Variants in CYFIP1 observed in about 807,000 individuals in gnomAD.
CYFIP1 encodes the protein cytoplasmic FMR1 interacting protein 1.
In CYFIP1, 58 loss-of-function variants were observed where a neutral mutation model predicts 163.5. The ratio of observed to expected loss-of-function variants is 0.35; its 90% CI spans 0.29 to 0.44. The LOEUF (loss-of-function observed/expected upper bound fraction) is 0.44. Ranked by LOEUF, CYFIP1 falls within the 20% of genes least tolerant of loss-of-function variation. The pLI is 1.00. For missense variants in CYFIP1, 1,338 were observed against 1,653.8 expected (o/e 0.81, Z 3.31); for synonymous variants, 663 against 660.7 (o/e 1.00, Z -0.05).
chr15:22,978,154 C>T (rs1427258766), intron 1 of CYFIP1, among the ~76,000 whole-genome samples: 1 of 151,614 alleles, frequency 6.6e-6, no homozygotes, highest in Non-Finnish European at 1.5e-5. Flanking sequence ...GAGTTCAAGA[C>T]CAGCCTGGGC....
At chr15:22,945,803 G>A (rs1268251635) in intron 3 of CYFIP1, among the ~76,000 whole-genome samples, 2 of 151,044 alleles carry the variant, frequency 1.3e-5, no homozygotes, top group Admixed American at 6.6e-5. Flanking sequence ...GGCTGGTCTC[G>A]AACTCCTGAC....
At position 22,929,149 on chromosome 15, in the gene CYFIP1, G is replaced by C. The variant is rs182108413; in HGVS notation, c.1111-1121C>G. Among the ~76,000 whole-genome samples, 126 of 151,726 alleles carry C rather than the reference G, an allele frequency of 8.3e-4. 2 individuals carry two copies. Among genetic ancestry groups the C allele is most frequent in the Admixed American group, 8.1e-3 (124 of 15,228 alleles). ...GCAGGAGAATTGCTAGAACCCAGGA[G>C]GCGAAGATTGCAGTGAGCCAAGATC... is the stretch of plus-strand genomic sequence containing the variant. On this transcript the variant is annotated intron_variant, in intron 11 of 30. Coordinates refer to ENST00000617928, the MANE Select transcript of CYFIP1 (RefSeq NM_014608.6).
At chr15:22,896,343 T>A (rs770034118) in intron 22 of CYFIP1, among the ~76,000 whole-genome samples, 10 of 152,068 alleles carry the variant, frequency 6.6e-5, no homozygotes, top group Non-Finnish European at 1.2e-4. Context: ...TTGAGGTTTA[T>A]TGAGCTTCTT....
intron 1 of CYFIP1, among the ~76,000 whole-genome samples, chr15:22,960,451 C>G (rs900802718): frequency 5.9e-5 from 9 of 152,208 alleles, no homozygotes; most frequent in Admixed American, 5.9e-4. Context: ...CACAGAACAT[C>G]CCCAGTGACT....
intron 22 of CYFIP1, among the ~76,000 whole-genome samples, chr15:22,902,333 C>T (rs1002141443): frequency 6.6e-6 from 1 of 152,138 alleles, no homozygotes; most frequent in Non-Finnish European, 1.5e-5. Flanking sequence ...GGGAAGGAGG[C>T]GCCTGGCCAT....
chr15:22,944,987 T>A, intron 3 of CYFIP1, 48 bp from the exon 4 acceptor site: 1 of 1,538,992 alleles, frequency 6.5e-7, no homozygotes, highest in East Asian at 2.2e-5. Flanking sequence ...GGAACTAGCA[T>A]GAAAAGCAGA....
At chr15:22,913,471 T>C (rs1372081262) in intron 17 of CYFIP1, among the ~76,000 whole-genome samples, 5 of 120,498 alleles carry the variant, frequency 4.1e-5, no homozygotes, top group African/African-American at 1.3e-4. Flanking sequence ...TAGGTTGCAA[T>C]GAGCTGAGAT....
intron 5 of CYFIP1, 35 bp from the exon 6 acceptor site, chr15:22,943,389 G>C (rs762886007): frequency 6.2e-6 from 10 of 1,601,932 alleles, no homozygotes; most frequent in East Asian, 2.2e-5. Flanking sequence ...GAAAGCTGCA[G>C]GTCAGTGAGG....
At chr15:22,978,778 C>T (rs1166523079) in intron 1 of CYFIP1, among the ~76,000 whole-genome samples, 2 of 152,096 alleles carry the variant, frequency 1.3e-5, no homozygotes, top group African/African-American at 2.4e-5. Flanking sequence ...GAATCTCCAA[C>T]GCCTTATGCT....
intron 21 of CYFIP1, chr15:22,904,179 G>A (rs561211621): frequency 7.6e-6 from 4 of 524,668 alleles, no homozygotes; most frequent in South Asian, 6.3e-5. Flanking sequence ...GTGCACGTGT[G>A]GCCTGCTACT....
At chr15:22,953,683 C>A (rs2062337259) in intron 1 of CYFIP1, among the ~76,000 whole-genome samples, 1 of 152,200 alleles carries the variant, frequency 6.6e-6, no homozygotes, top group Non-Finnish European at 1.5e-5. Flanking sequence ...AAATATCCAA[C>A]AGCATAATTA....
intron 12 of CYFIP1, 39 bp from the exon 13 acceptor site, chr15:22,926,146 T>A: frequency 6.2e-7 from 1 of 1,612,102 alleles, no homozygotes; most frequent in African/African-American, 1.3e-5. Flanking sequence ...CCATATTGCA[T>A]GCAAAACGCC....
chr15:22,922,098 C>T (rs748249786), intron 13 of CYFIP1, among the ~76,000 whole-genome samples: 31 of 152,144 alleles, frequency 2.0e-4, no homozygotes, highest in Admixed American at 3.3e-4. Context: ...CCAAGAAAGG[C>T]CCATCTTCAG....
intron 21 of CYFIP1, among the ~76,000 whole-genome samples, chr15:22,908,875 C>T: frequency 6.6e-6 from 1 of 152,274 alleles, no homozygotes; most frequent in Middle Eastern, 3.4e-3. Flanking sequence ...AAAATGTAAA[C>T]ACGTTATTAA....
rs569350009 is a variant in CYFIP1 at position 22,870,330 on chromosome 15, T to G, written c.3598-138A>C. On this transcript the variant is annotated intron_variant, in intron 30 of 30. Coordinates refer to ENST00000617928, the MANE Select transcript of CYFIP1 (RefSeq NM_014608.6). ...TGACACACATACTGTTCTTTTTGGG[T>G]TTTTTTTTGTAAGATAGGGTCTCAC... 5.6e-5 allele frequency: 50 copies of G among 885,806 alleles called. 1 individual carries two copies. In the African/African-American group the frequency reaches 5.7e-4, roughly 10 times the overall value. The allele number at this position is 885,806 out of a possible 1,614,324, so 54.9% of individuals were successfully genotyped here. A position where few individuals can be genotyped will look rare whatever the true frequency, so the allele number is the denominator to read the frequency against.
intron 26 of CYFIP1, among the ~76,000 whole-genome samples, chr15:22,878,248 A>G (rs1338250195): frequency 2.0e-5 from 3 of 152,240 alleles, no homozygotes; most frequent in African/African-American, 4.8e-5. Flanking sequence ...GCTGAAGAAG[A>G]AGGAGCAAGG....
At chr15:22,943,383 G>C in intron 5 of CYFIP1, 29 bp from the exon 6 acceptor site, 2 of 1,607,794 alleles carry the variant, frequency 1.2e-6, no homozygotes, top group South Asian at 1.1e-5. Context: ...AGGGCAGAAA[G>C]CTGCAGGTCA....
intron 1 of CYFIP1, among the ~76,000 whole-genome samples, chr15:22,964,270 C>A (rs1313234621): frequency 1.4e-4 from 14 of 99,772 alleles, no homozygotes; most frequent in Admixed American, 1.1e-3. Context: ...TCCACTCCTC[C>A]TCACCACACA....
In CYFIP1 at chr15:22,928,389, TAATAAATAAATAAATAAATAAATAAATA is replaced by T. The variant is rs200548603; in HGVS notation, c.1111-389_1111-362del. 2.2e-4 allele frequency among the ~76,000 whole-genome samples: 32 copies of T among 147,654 alleles called. No homozygotes were observed. In the South Asian group the frequency reaches 6.0e-3, roughly 28 times the overall value. On this transcript the variant is annotated intron_variant, in intron 11 of 30. Coordinates refer to ENST00000617928, the MANE Select transcript of CYFIP1 (RefSeq NM_014608.6). ...CAGAGCGAGACTCCGTCTCAAAAAATAATAAATAAATAAATAAATAAATAAATAAATAAATAAATAAATAAAAAGAAAA... is the reference window on the plus strand; with the variant it reads ...CAGAGCGAGACTCCGTCTCAAAAAATAATAAATAAATAAATAAAAAGAAAA...
Sources: allele counts gnomAD v4.1 joint callset (sites outside exome capture counted in the v4.1 genomes callset), GRCh38; gene constraint gnomAD v4.1.1; transcripts MANE v1.5; gene names NCBI Gene and HGNC (gene_info 2026-07-23, HGNC 2026-07-21).